Variants in VPS13B observed in about 807,000 individuals in gnomAD.
VPS13B encodes the protein vacuolar protein sorting 13 homolog B.
A neutral mutation model predicts 426.4 loss-of-function variants in VPS13B; 285 were observed. The ratio of observed to expected loss-of-function variants is 0.67; its 90% CI spans 0.61 to 0.74. VPS13B has a LOEUF of 0.74. VPS13B is among the 30% of genes least tolerant of loss of function. VPS13B has a pLI of 0.00. For missense variants in VPS13B, 4,537 were observed against 4,782.6 expected (o/e 0.95, Z 1.51); for synonymous variants, 1,676 against 1,676.4 (o/e 1.00, Z 0.01).
intron 17 of VPS13B, among the ~76,000 whole-genome samples, chr8:99,264,489 A>G (rs961368259): frequency 3.3e-5 from 5 of 152,132 alleles, no homozygotes; most frequent in East Asian, 1.9e-4. Flanking sequence ...AATTGATTGG[A>G]CTGTATATAG....
At chr8:99,479,019 T>C (rs559590124) in intron 24 of VPS13B, among the ~76,000 whole-genome samples, 1 of 152,228 alleles carries the variant, frequency 6.6e-6, no homozygotes, top group East Asian at 1.9e-4. Flanking sequence ...ATATCCATGT[T>C]TTTTCTTCTT....
chr8:99,111,267 A>G lies in VPS13B; in HGVS notation c.750A>G (p.Pro250=), dbSNP rs771965319. 3.7e-6 allele frequency: 6 copies of G among 1,602,188 alleles called. No individual in the cohort carries two copies. The highest frequency in any genetic ancestry group is 1.3e-5 in the African/African-American group (1 of 74,608). The part of the protein sequence containing the change: ...FTYENLNSKM[P]SVIKIHTLVE... ...ATGAAAACCTAAATTCCAAGATGCC[A>G]TCTGTTATTAAAGTAGGTATCTCTT... is the stretch of plus-strand genomic sequence containing the variant. The change falls in exon 6 of 62, where the codon CCA becomes CCG. Residue 250 remains proline, a synonymous_variant. Coordinates refer to ENST00000357162, the MANE Select transcript of VPS13B (RefSeq NM_152564.5).
intron 33 of VPS13B, among the ~76,000 whole-genome samples, chr8:99,588,929 A>G (rs1826448547): frequency 6.6e-6 from 1 of 150,384 alleles, no homozygotes; most frequent in Non-Finnish European, 1.5e-5. Flanking sequence ...TTGCCCATTC[A>G]GTGTTTATCA....
At chr8:99,014,002 C>T in intron 2 of VPS13B, 67 bp downstream of exon 2, 2 of 1,607,656 alleles carry the variant, frequency 1.2e-6, no homozygotes, top group Admixed American at 3.3e-5. Context: ...TCTATTGTTT[C>T]CTAAGCTTTG....
intron 8 of VPS13B, among the ~76,000 whole-genome samples, chr8:99,131,578 T>A (rs947134404): frequency 6.6e-6 from 1 of 151,894 alleles, no homozygotes; most frequent in African/African-American, 2.4e-5. Flanking sequence ...AAAAATTATG[T>A]TTGCACAATA....
At chr8:99,868,585 T>C in intron 59 of VPS13B, 120 bp downstream of exon 59, 5 of 1,180,052 alleles carry the variant, frequency 4.2e-6, no homozygotes, top group Non-Finnish European at 4.9e-6. Context: ...CTTTCTTACC[T>C]CTCTATGCTT....
rs200774003 is a variant in VPS13B, at chr8:99,511,449, G to A, written c.4570G>A (p.Val1524Ile). ...ATCCCGCAATTTACCTTTGATTTATGTCAACACAAGTGTAATCAGAATTTT... is the reference window on the plus strand; with the variant it reads ...ATCCCGCAATTTACCTTTGATTTATATCAACACAAGTGTAATCAGAATTTT... Reference protein sequence around the residue: ...LTSRNLPLIYVNTSVIRIFIP... With the variant: ...LTSRNLPLIYINTSVIRIFIP... The change falls in exon 29 of 62, where the codon GTC (valine) becomes ATC (isoleucine). Residue 1524 changes from valine (V) to isoleucine (I), a missense_variant. Transcript: ENST00000357162. 7 of 1,613,440 alleles carry A rather than the reference G, an allele frequency of 4.3e-6. No individual in the cohort carries two copies. Among genetic ancestry groups the A allele is most frequent in the Non-Finnish European group, 8.5e-7 (1 of 1,179,910 alleles).
intron 33 of VPS13B, among the ~76,000 whole-genome samples, chr8:99,594,618 A>G (rs1826898306): frequency 6.6e-6 from 1 of 152,010 alleles, no homozygotes; most frequent in Non-Finnish European, 1.5e-5. Context: ...ATGTAATATT[A>G]TGCTCCAATG....
intron 19 of VPS13B, among the ~76,000 whole-genome samples, chr8:99,279,368 G>A (rs978854121): frequency 6.6e-6 from 1 of 151,982 alleles, no homozygotes; most frequent in African/African-American, 2.4e-5. Context: ...TGCAACCTCC[G>A]CTTCCTGGGT....
At chr8:99,753,093 C>G (rs1443109431) in intron 39 of VPS13B, among the ~76,000 whole-genome samples, 1 of 152,120 alleles carries the variant, frequency 6.6e-6, no homozygotes, top group African/African-American at 2.4e-5. Flanking sequence ...TGGATATACT[C>G]TTACTAACTT....
chr8:99,046,769 T>C (rs1182485626), intron 3 of VPS13B, among the ~76,000 whole-genome samples: 1 of 152,152 alleles, frequency 6.6e-6, no homozygotes, highest in Non-Finnish European at 1.5e-5. Context: ...CCATATTTTT[T>C]TTGAATGCTT....
At chr8:99,234,566 T>C (rs1241742105) in intron 17 of VPS13B, 2 of 431,560 alleles carry the variant, frequency 4.6e-6, no homozygotes, top group Admixed American at 2.9e-5. Context: ...GCCGCGTGGC[T>C]GGGAGCAGAG....
At chr8:99,743,403 T>TA (rs1809874720) in intron 39 of VPS13B, among the ~76,000 whole-genome samples, 2 of 151,772 alleles carry the variant, frequency 1.3e-5, no homozygotes, top group Non-Finnish European at 2.9e-5. Flanking sequence ...CTGCCCAAGG[T>TA]AATTTATAGA....
At chr8:99,288,910 A>G (rs973925092) in intron 19 of VPS13B, among the ~76,000 whole-genome samples, 4 of 151,954 alleles carry the variant, frequency 2.6e-5, no homozygotes, top group Non-Finnish European at 5.9e-5. Context: ...TTAAACTCCA[A>G]GTTCAGCTGG....
chr8:99,390,559 A>G (rs1814384222), intron 20 of VPS13B, among the ~76,000 whole-genome samples: 2 of 152,158 alleles, frequency 1.3e-5, no homozygotes, highest in South Asian at 4.1e-4. Flanking sequence ...TATATTGAGT[A>G]TTTTAAGTTG....
intron 58 of VPS13B, among the ~76,000 whole-genome samples, chr8:99,863,845 A>T (rs371431323): frequency 1.3e-5 from 2 of 152,104 alleles, no homozygotes; most frequent in East Asian, 3.8e-4. Context: ...TTTCCAGAAG[A>T]TTATTAATTC....
chr8:99,800,267 A>G (rs1344742061), intron 43 of VPS13B, among the ~76,000 whole-genome samples: 2 of 152,212 alleles, frequency 1.3e-5, no homozygotes, highest in Non-Finnish European at 2.9e-5. Context: ...TGGTGGTACC[A>G]AGGGTAAACA....
intron 19 of VPS13B, among the ~76,000 whole-genome samples, chr8:99,300,880 GTT>G (rs34461801): frequency 2.0e-4 from 25 of 123,710 alleles, no homozygotes; most frequent in Admixed American, 1.2e-3. Flanking sequence ...ATTTAATATA[GTT>G]TTTTTTTTTT....
intron 30 of VPS13B, among the ~76,000 whole-genome samples, chr8:99,521,379 ATTAAT>A (rs1588459521): frequency 6.6e-6 from 1 of 152,216 alleles, no homozygotes; most frequent in Non-Finnish European, 1.5e-5. Context: ...GAAACATTTT[ATTAAT>A]TTAAGTGTAA....
Sources: allele counts gnomAD v4.1 joint callset (sites outside exome capture counted in the v4.1 genomes callset), GRCh38; gene constraint gnomAD v4.1.1; transcripts MANE v1.5; gene names NCBI Gene and HGNC (gene_info 2026-07-23, HGNC 2026-07-21).